Variants in VEGFA observed in about 807,000 individuals in gnomAD.
VEGFA encodes the protein vascular endothelial growth factor A, also known as vascular endothelial growth factor A, long form.
VEGFA carries 20 observed loss-of-function variants against 49.7 expected under a neutral mutation model. That is an observed-to-expected ratio of 0.40 (90% CI 0.28 to 0.58). The LOEUF is 0.58. Ranked by LOEUF, VEGFA falls within the 20% of genes least tolerant of loss-of-function variation. The probability of loss-of-function intolerance (pLI) is 0.40; values close to 1 mark genes in which losing one functional copy is unlikely to be tolerated. For missense variants in VEGFA, 505 were observed against 553.5 expected (o/e 0.91, Z 0.88); for synonymous variants, 219 against 223.4 (o/e 0.98, Z 0.18).
At chr6:43,781,358 G>C (rs1336238536) in intron 6 of VEGFA, 4 of 259,822 alleles carry the variant, frequency 1.5e-5, no homozygotes, top group Non-Finnish European at 3.0e-5. Flanking sequence ...GCCTCTGGAG[G>C]GGAGCCCCCT....
rs1216787567 is a variant in VEGFA at position 43,784,676 on chromosome 6, C to T, written c.*114C>T. ...CCACGCTGCCGCCACCACACCATCA[C>T]CATCGACAGAACAGTCCTTAATCCA... On this transcript the variant is annotated 3_prime_UTR_variant, in exon 8 of 8. Transcript: ENST00000672860. The T allele has an allele frequency of 6.4e-7, 1 of 1,560,644 alleles. No homozygotes were observed. The highest frequency in any genetic ancestry group is 1.7e-4 in the Middle Eastern group (1 of 5,954).
At chr6:43,782,117 G>C (rs560260185) in intron 7 of VEGFA, 30 bp downstream of exon 7, 2 of 1,611,978 alleles carry the variant, frequency 1.2e-6, no homozygotes, top group South Asian at 2.2e-5. Context: ...GCAAGTCAGA[G>C]AGGGGCATCA....
rs753505364 is a variant in VEGFA, at chr6:43,781,053, G to A, written c.1034+250G>A. On this transcript the variant is annotated intron_variant, in intron 6 of 7. Coordinates refer to ENST00000672860, the MANE Select transcript of VEGFA (RefSeq NM_003376.6). ...GACTTGGCCTGGAGGATTAAGGGAG[G>A]GGACCCTGGCTTGGCTGGGCACCGA... is the stretch of plus-strand genomic sequence containing the variant. 2.7e-5 allele frequency: 25 copies of A among 911,568 alleles called. 1 individual carries two copies. The highest frequency in any genetic ancestry group is 3.8e-5 in the Non-Finnish European group (23 of 608,068). The allele number at this position is 911,568 out of a possible 1,614,324, so 56.5% of individuals were successfully genotyped here.
intron 5 of VEGFA, 61 bp downstream of exon 5, chr6:43,778,979 T>C: frequency 1.9e-6 from 3 of 1,608,522 alleles, no homozygotes; most frequent in Non-Finnish European, 2.6e-6. Flanking sequence ...GGTTTGGGGC[T>C]CTTGGCTACC....
intron 7 of VEGFA, chr6:43,782,682 C>T (rs556068445): frequency 6.4e-4 from 114 of 176,978 alleles, no homozygotes; most frequent in African/African-American, 2.5e-3. Flanking sequence ...GTGTCTCTCC[C>T]CTCCGACCTG....
chr6:43,770,545 T>G lies in VEGFA; in HGVS notation c.-162T>G. On this transcript the variant is annotated 5_prime_UTR_variant, in exon 1 of 8. Transcript: ENST00000672860. ...GAAAGAGGAAAGAGGTAGCAAGAGC[T>G]CCAGAGAGAAGTCGAGGAAGAGAGA... 1 of 1,324,926 alleles carries G rather than the reference T, an allele frequency of 7.5e-7. No individual in the cohort carries two copies. Among genetic ancestry groups the G allele is most frequent in the Non-Finnish European group, 9.6e-7 (1 of 1,041,534 alleles). The allele number at this position is 1,324,926 out of a possible 1,614,324, so 82.1% of individuals were successfully genotyped here.
intron 6 of VEGFA, 103 bp downstream of exon 6, chr6:43,780,906 T>G (rs3025052): frequency 6.2e-7 from 1 of 1,612,504 alleles, no homozygotes; most frequent in South Asian, 1.1e-5. Flanking sequence ...CCCCTGGTCC[T>G]TCCCTGGCTC....
In VEGFA at chr6:43,770,479, G is replaced by T; in HGVS notation, c.-228G>T. 1.0e-6 allele frequency: 1 copy of T among 965,234 alleles called. No homozygotes were observed. The highest frequency in any genetic ancestry group is 1.4e-6 in the Non-Finnish European group (1 of 732,070). The allele number at this position is 965,234 out of a possible 1,614,324, so 59.8% of individuals were successfully genotyped here. A position where few individuals can be genotyped will look rare whatever the true frequency, so the allele number is the denominator to read the frequency against. The stretch of plus-strand genomic sequence containing the variant: ...ATCGGGCCGACGGCTTGGGGAGATT[G>T]CTCTACTTCCCCAAATCACTGTGGA... On this transcript the variant is annotated 5_prime_UTR_variant, in exon 1 of 8. Coordinates refer to ENST00000672860, the MANE Select transcript of VEGFA (RefSeq NM_003376.6).
chr6:43,783,065 G>C (rs917462456), intron 7 of VEGFA: 1 of 152,262 alleles, frequency 6.6e-6, no homozygotes, highest in African/African-American at 2.4e-5. Flanking sequence ...GACCAAGGAA[G>C]TGTCAAGTGC....
At chr6:43,781,812 G>A (rs1308415389) in intron 6 of VEGFA, 144 bp from the exon 7 acceptor site, 36 of 1,075,796 alleles carry the variant, frequency 3.3e-5, no homozygotes, top group Admixed American at 1.6e-4. Context: ...TTGCTGTAGC[G>A]CTCGGATCCT....
rs1380903852 is a variant in VEGFA at position 43,786,292 on chromosome 6, T to C, written c.*1730T>C. ...CCTTTTTTAATTTTAATATTTGTTA[T>C]CATTTATTTATTGGTGCTACTGTTT... On this transcript the variant is annotated 3_prime_UTR_variant, in exon 8 of 8. Coordinates refer to ENST00000672860, the MANE Select transcript of VEGFA (RefSeq NM_003376.6). 2 of 179,794 alleles carry C rather than the reference T, an allele frequency of 1.1e-5. No individual in the cohort carries two copies. Among genetic ancestry groups the C allele is most frequent in the Non-Finnish European group, 2.4e-5 (2 of 83,840 alleles). The allele number at this position is 179,794 out of a possible 1,614,324, so 11.1% of individuals were successfully genotyped here.
chr6:43,779,387 TAGGCGGC>T (rs1370378057), intron 5 of VEGFA: 2 of 341,608 alleles, frequency 5.9e-6, no homozygotes, highest in East Asian at 1.4e-4. Flanking sequence ...TGCCCTCCTG[TAGGCGGC>T]AGGCGGCAGA....
intron 5 of VEGFA, chr6:43,780,115 T>TCCCTC: frequency 4.8e-6 from 1 of 209,560 alleles, no homozygotes; most frequent in South Asian, 8.4e-5. Context: ...TGCCTCCCAG[T>TCCCTC]CCAGGTCGTG....
At chr6:43,775,463 G>A (rs1305794390) in intron 2 of VEGFA, 1 of 152,276 alleles carries the variant, frequency 6.6e-6, no homozygotes, top group African/African-American at 2.4e-5. Flanking sequence ...GATGAAGGAT[G>A]CGGGTGAGGT....
rs1765756223 is a variant in VEGFA at position 43,777,330 on chromosome 6, G to A, written c.659-139G>A. 2.2e-6 allele frequency: 2 copies of A among 894,638 alleles called. No individual in the cohort carries two copies. Among genetic ancestry groups the A allele is most frequent in the African/African-American group, 1.6e-5 (1 of 60,782 alleles). The allele number at this position is 894,638 out of a possible 1,614,324, so 55.4% of individuals were successfully genotyped here. On this transcript the variant is annotated intron_variant, in intron 2 of 7. Coordinates refer to ENST00000672860, the MANE Select transcript of VEGFA (RefSeq NM_003376.6). The surrounding 1 kb of genome is among the most constrained non-coding windows in gnomAD (Gnocchi z 4.3). ...TAGGGAAGTGCTTCAAACACAGTAGGAGGGACTTACGTTAGATTTTGGAAG... is the reference window on the plus strand; with the variant it reads ...TAGGGAAGTGCTTCAAACACAGTAGAAGGGACTTACGTTAGATTTTGGAAG...
intron 6 of VEGFA, 154 bp from the exon 7 acceptor site, chr6:43,781,802 T>G: frequency 1.0e-6 from 1 of 981,760 alleles, no homozygotes; most frequent in East Asian, 2.7e-5. Flanking sequence ...TCTCTGTCTT[T>G]TGCTGTAGCG....
chr6:43,777,151 G>A lies in VEGFA; in HGVS notation c.659-318G>A, dbSNP rs1765698220. 1 of 443,032 alleles carries A rather than the reference G, an allele frequency of 2.3e-6. No homozygotes were observed. 27.4% of individuals were successfully genotyped at this position (443,032 alleles called of 1,614,324 possible). A position where few individuals can be genotyped will look rare whatever the true frequency, so the allele number is the denominator to read the frequency against. ...CATGGGGTATACCCATACTCAGACT[G>A]TCCTCTGGCATCGAGGTTGGCCCAG... is the stretch of plus-strand genomic sequence containing the variant. On this transcript the variant is annotated intron_variant, in intron 2 of 7. Coordinates refer to ENST00000672860, the MANE Select transcript of VEGFA (RefSeq NM_003376.6). This position sits in a 1 kb window ranked among gnomAD's most constrained non-coding sequence, Gnocchi z 4.3.
Position 43,771,001 on chromosome 6 carries a change from GAA to G in VEGFA, c.296_297del (p.Glu99GlyfsTer23). The stretch of plus-strand genomic sequence containing the variant: ...GCAGCCGGAGGAGGGGGAGGAGGAA[GAA>G]GAGAAGGAAGAGGAGAGGGGGCCGC... On this transcript the variant is annotated frameshift_variant, in exon 1 of 8. Transcript: ENST00000672860. LOFTEE classifies it high-confidence loss of function. 1 of 1,541,216 alleles carries G rather than the reference GAA, an allele frequency of 6.5e-7. No homozygotes were observed. Among genetic ancestry groups the G allele is most frequent in the Non-Finnish European group, 8.7e-7 (1 of 1,144,102 alleles).
At chr6:43,771,768 G>A (rs1359000366) in intron 1 of VEGFA, among the ~76,000 whole-genome samples, 2 of 152,156 alleles carry the variant, frequency 1.3e-5, no homozygotes, top group African/African-American at 2.4e-5. Context: ...AGGGGGCAGG[G>A]CGCAGGAGGG....
Sources: gnomAD v4.1 joint callset for allele counts (sites outside exome capture counted in the v4.1 genomes callset) on GRCh38, gnomAD v4.1.1 for gene constraint, Gnocchi (gnomAD v3.1) non-coding constraint, MANE v1.5 for transcripts, NCBI Gene and HGNC (gene_info 2026-07-23, HGNC 2026-07-21) for gene names.